SPIRE1: variants seen among roughly 807,000 people sequenced by gnomAD.
SPIRE1 encodes the protein protein spire homolog 1.
A neutral mutation model predicts 94.1 loss-of-function variants in SPIRE1; 40 were observed. The observed-to-expected ratio is 0.43, with a 90% confidence interval of 0.33 to 0.55. The LOEUF (loss-of-function observed/expected upper bound fraction) is 0.55, where lower values mean the gene tolerates loss of function less well. Among genes scored for constraint, SPIRE1 ranks in the 20% least tolerant of loss-of-function variants. SPIRE1 has a pLI of 0.06. For missense variants in SPIRE1, 838 were observed against 975.2 expected (o/e 0.86, Z 1.87); for synonymous variants, 376 against 371.7 (o/e 1.01, Z -0.13).
At position 12,449,666 on chromosome 18, in the gene SPIRE1, G is replaced by A. The variant is rs755622102; in HGVS notation, c.2243C>T (p.Pro748Leu). Residue 748 changes from proline to leucine, a missense_variant, in exon 17 of 17, where the codon CCT becomes CTT. Coordinates refer to ENST00000409402, the MANE Select transcript of SPIRE1 (RefSeq NM_001128626.2). ...MSSPGPSEYC[P>L]SERTISEI ...GATCTCACTGATCGTCCTCTCTGAA[G>A]GGCAGTACTCCGAGGGGCCTGGCGA... is the stretch of plus-strand genomic sequence containing the variant. 4 of 1,614,136 alleles carry A rather than the reference G, an allele frequency of 2.5e-6. No individual in the cohort carries two copies. The highest frequency in any genetic ancestry group is 3.4e-6 in the Non-Finnish European group (4 of 1,180,030).
Position 12,449,453 on chromosome 18 carries a change from T to A in SPIRE1, c.*185A>T. ...TGCAAACGAGCAATTGGCGGACCTG[T>A]CACGTTTCATCAATCGATACGAACA... On this transcript the variant is annotated 3_prime_UTR_variant, in exon 17 of 17. Transcript: ENST00000409402. The A allele has an allele frequency of 1.6e-6, 1 of 643,410 alleles. No homozygotes were observed. The highest frequency in any genetic ancestry group is 2.6e-6 in the Non-Finnish European group (1 of 379,824). The allele number at this position is 643,410 out of a possible 1,614,324, so 39.9% of individuals were successfully genotyped here.
chr18:12,517,873 A>AT (rs2034241540), intron 4 of SPIRE1, among the ~76,000 whole-genome samples: 1 of 152,180 alleles, frequency 6.6e-6, no homozygotes, highest in Non-Finnish European at 1.5e-5. Flanking sequence ...ATAATAATGT[A>AT]TTTTTTATGA....
In SPIRE1 at chr18:12,635,103, T is replaced by C. The variant is rs148879397; in HGVS notation, c.338-7A>G. 7.6e-4 allele frequency: 1,036 copies of C among 1,368,334 alleles called. 5 individuals carry two copies. The East Asian group carries it at 0.012, about 15-fold the overall frequency. 84.8% of individuals were successfully genotyped at this position (1,368,334 alleles called of 1,614,324 possible). The stretch of plus-strand genomic sequence containing the variant: ...TGTGAATATCCCAATTTACCTGTAA[T>C]AAAAATGAAAAGGATTACTTTAAAA... On this transcript the variant is annotated splice_polypyrimidine_tract_variant and splice_region_variant and intron_variant, in intron 1 of 16. Transcript: ENST00000409402.
intron 2 of SPIRE1, among the ~76,000 whole-genome samples, chr18:12,552,442 C>G (rs2035378644): frequency 6.6e-6 from 1 of 152,130 alleles, no homozygotes; most frequent in Non-Finnish European, 1.5e-5. Flanking sequence ...ATATTGGATA[C>G]CAGCTTCAGC....
In SPIRE1 at chr18:12,564,532, A is replaced by T. The variant is rs560537670; in HGVS notation, c.373-17628T>A. On this transcript the variant is annotated intron_variant, in intron 2 of 16. Coordinates refer to ENST00000409402, the MANE Select transcript of SPIRE1 (RefSeq NM_001128626.2). ...AAGTCACTACTCTATTCTGACAACA[A>T]GTAAAAAGCTGAACAAATGGAAAAA... Among the ~76,000 whole-genome samples the T allele has an allele frequency of 2.0e-5, 3 of 152,358 alleles. No homozygotes were observed. In the East Asian group the frequency reaches 5.8e-4, roughly 29 times the overall value.
intron 2 of SPIRE1, among the ~76,000 whole-genome samples, chr18:12,576,890 C>CAA (rs398032016): frequency 0.088 from 7,883 of 89,790 alleles, 501 homozygotes; most frequent in Non-Finnish European, 0.11. Flanking sequence ...CTCTGTTTCA[C>CAA]AAAAAAAAAA....
chr18:12,548,442 T>C (rs2035235655), intron 2 of SPIRE1, among the ~76,000 whole-genome samples: 1 of 152,136 alleles, frequency 6.6e-6, no homozygotes. Context: ...ACCAATGAAA[T>C]AATATTTTCT....
chr18:12,574,067 G>C (rs1408623322), intron 2 of SPIRE1, among the ~76,000 whole-genome samples: 1 of 151,932 alleles, frequency 6.6e-6, no homozygotes. Flanking sequence ...TATCAATATT[G>C]GTTCATGTAG....
At chr18:12,590,258 T>A (rs867696772) in intron 2 of SPIRE1, among the ~76,000 whole-genome samples, 1 of 152,146 alleles carries the variant, frequency 6.6e-6, no homozygotes, top group African/African-American at 2.4e-5. Flanking sequence ...TGGCTCATTT[T>A]TTTGTATTTT....
At chr18:12,548,637 G>A (rs1233059779) in intron 2 of SPIRE1, among the ~76,000 whole-genome samples, 1 of 146,986 alleles carries the variant, frequency 6.8e-6, no homozygotes, top group South Asian at 2.1e-4. Flanking sequence ...TTTGAGACAA[G>A]GTCTCACTCT....
intron 4 of SPIRE1, among the ~76,000 whole-genome samples, chr18:12,524,067 G>A (rs2034435479): frequency 6.6e-6 from 1 of 152,068 alleles, no homozygotes; most frequent in South Asian, 2.1e-4. Context: ...TGCAATATTT[G>A]TTTCATTGCA....
chr18:12,622,547 T>C (rs970213199), intron 2 of SPIRE1, among the ~76,000 whole-genome samples: 2 of 150,340 alleles, frequency 1.3e-5, no homozygotes, highest in Admixed American at 6.7e-5. Flanking sequence ...CTCAGCCTCC[T>C]GAGTAGCTGG....
intron 10 of SPIRE1, among the ~76,000 whole-genome samples, chr18:12,474,746 G>C (rs1391074315): frequency 1.3e-5 from 2 of 152,036 alleles, no homozygotes; most frequent in Non-Finnish European, 2.9e-5. Flanking sequence ...TTGAACCCGG[G>C]AGTCGGAGGA....
At chr18:12,630,952 T>C (rs772512682) in intron 2 of SPIRE1, among the ~76,000 whole-genome samples, 2 of 152,220 alleles carry the variant, frequency 1.3e-5, no homozygotes, top group Admixed American at 6.5e-5. Flanking sequence ...GAGGCTCTAG[T>C]AGTCAGTCCC....
chr18:12,499,393 A>C (rs953008820), intron 6 of SPIRE1, among the ~76,000 whole-genome samples: 1 of 152,152 alleles, frequency 6.6e-6, no homozygotes, highest in African/African-American at 2.4e-5. Flanking sequence ...TCTTTGTTGT[A>C]AGTTGTAAAA....
chr18:12,531,070 A>G (rs1481061272), intron 4 of SPIRE1, among the ~76,000 whole-genome samples: 1 of 151,850 alleles, frequency 6.6e-6, no homozygotes, highest in African/African-American at 2.4e-5. Context: ...CTCTTTATTT[A>G]TTTGTTTATT....
intron 7 of SPIRE1, among the ~76,000 whole-genome samples, chr18:12,493,620 T>C (rs1451903713): frequency 1.3e-5 from 2 of 152,132 alleles, no homozygotes; most frequent in Non-Finnish European, 2.9e-5. Flanking sequence ...TTGGTCAGGC[T>C]GGTCTCGATC....
intron 13 of SPIRE1, among the ~76,000 whole-genome samples, chr18:12,454,084 C>T (rs1399731032): frequency 6.6e-6 from 1 of 152,142 alleles, no homozygotes; most frequent in African/African-American, 2.4e-5. Flanking sequence ...TGCCTGGCCA[C>T]ATGCATGGTT....
chr18:12,497,835 A>ACATGC (rs2033514866), intron 6 of SPIRE1, among the ~76,000 whole-genome samples: 1 of 152,156 alleles, frequency 6.6e-6, no homozygotes, highest in African/African-American at 2.4e-5. Flanking sequence ...GCTAATTTTC[A>ACATGC]CATGCTTTCT....
Sources: allele counts gnomAD v4.1 joint callset (sites outside exome capture counted in the v4.1 genomes callset), GRCh38; gene constraint gnomAD v4.1.1; transcripts MANE v1.5; gene names NCBI Gene and HGNC (gene_info 2026-07-23, HGNC 2026-07-21).